The following WDR91 variants were observed in gnomAD, a reference collection of about 807,000 sequenced individuals.
WDR91 encodes the protein WD repeat-containing protein 91.
Under a neutral mutation model 88.4 loss-of-function variants are expected in WDR91, and 52 were observed. The observed-to-expected ratio is 0.59, with a 90% confidence interval of 0.47 to 0.74. The LOEUF is 0.74. Ranked by LOEUF, WDR91 falls within the 30% of genes least tolerant of loss-of-function variation. The probability of loss-of-function intolerance (pLI) is 0.00; values close to 1 mark genes in which losing one functional copy is unlikely to be tolerated. For missense variants in WDR91, 824 were observed against 954.5 expected (o/e 0.86, Z 1.80); for synonymous variants, 362 against 389.5 (o/e 0.93, Z 0.83).
In WDR91 at chr7:135,210,914, A is replaced by G. The variant is rs184728420; in HGVS notation, c.123+466T>C. The G allele has an allele frequency of 9.9e-6, 7 of 703,720 alleles. No individual in the cohort carries two copies. In the East Asian group the frequency reaches 1.9e-4, roughly 19 times the overall value. The allele number at this position is 703,720 out of a possible 1,614,324, so 43.6% of individuals were successfully genotyped here. A position where few individuals can be genotyped will look rare whatever the true frequency, so the allele number is the denominator to read the frequency against. ...TGAGGTCTTCCACAACTGCAGAAGCAAAATTGCCGATGAGTCCCTGACGAG... is the reference window on the plus strand; with the variant it reads ...TGAGGTCTTCCACAACTGCAGAAGCGAAATTGCCGATGAGTCCCTGACGAG... On this transcript the variant is annotated intron_variant, in intron 1 of 14. Coordinates refer to ENST00000354475, the MANE Select transcript of WDR91 (RefSeq NM_014149.4).
Position 135,186,147 on chromosome 7 carries a change from G to C in WDR91, c.*4C>G, listed in dbSNP as rs746809317. On this transcript the variant is annotated 3_prime_UTR_variant, in exon 15 of 15. Transcript: ENST00000354475. ...CTTCCTCGGGTGGCCCTTGGGGCAA[G>C]TCATCAGGCTTTATGGGCCAGGAGG... 3 of 1,585,862 alleles carry C rather than the reference G, an allele frequency of 1.9e-6. No homozygotes were observed. In the South Asian group the frequency reaches 3.4e-5, roughly 18 times the overall value.
chr7:135,187,100 C>T lies in WDR91; in HGVS notation c.1951G>A (p.Gly651Ser), dbSNP rs138966518. Residue 651 changes from glycine (G) to serine (S), a missense_variant, in exon 14 of 15, where the codon GGC (glycine) becomes AGC (serine). Physicochemically the swap from Gly to Ser is moderately conservative, Grantham distance 56. Transcript: ENST00000354475. Reference sequence around the variant, plus strand: ...CTGTATCCAGACAGCACAAAGGGGCCCGTGGCATCTGAGGGGAGGCTGTAC... The same window carrying T: ...CTGTATCCAGACAGCACAAAGGGGCTCGTGGCATCTGAGGGGAGGCTGTAC... ...SEYSLPSDAT[G>S]PFVLSGYSGY... The T allele has an allele frequency of 1.9e-6, 3 of 1,614,140 alleles. No individual in the cohort carries two copies. Among genetic ancestry groups the T allele is most frequent in the East Asian group, 4.5e-5 (2 of 44,894 alleles).
intron 6 of WDR91, chr7:135,201,358 A>T (rs1240061090): frequency 1.1e-5 from 1 of 88,748 alleles, no homozygotes; most frequent in Non-Finnish European, 2.9e-5. Context: ...TTCCACTAAA[A>T]AAAAAAAAAA....
At position 135,204,368 on chromosome 7, in the gene WDR91, G is replaced by A. The variant is rs1462640706; in HGVS notation, c.791C>T (p.Ser264Leu). Residue 264 changes from serine to leucine, a missense_variant, in exon 6 of 15, where the codon TCG becomes TTG. By Grantham distance (145) the Ser-to-Leu change is moderately radical (BLOSUM62 -2). Transcript: ENST00000354475. ...GCTCTTCTTACTCTGAGGCAGCAGCGAGGACAGGAAGCCCACACGAGGTGA... is the reference window on the plus strand; with the variant it reads ...GCTCTTCTTACTCTGAGGCAGCAGCAAGGACAGGAAGCCCACACGAGGTGA... ...SQSPRVGFLS[S>L]LLPQSKKSPS... The A allele has an allele frequency of 3.7e-6, 6 of 1,614,090 alleles. No homozygotes were observed. Among genetic ancestry groups the A allele is most frequent in the East Asian group, 2.2e-5 (1 of 44,904 alleles).
rs767164380 is a variant in WDR91 at position 135,188,501 on chromosome 7, C to T, written c.1813G>A (p.Gly605Arg). The T allele has an allele frequency of 5.0e-6, 8 of 1,614,048 alleles. No individual in the cohort carries two copies. The highest frequency in any genetic ancestry group is 1.1e-5 in the South Asian group (1 of 91,076). Residue 605 changes from glycine (G) to arginine (R), a missense_variant, in exon 13 of 15, where the codon GGG becomes AGG. Transcript: ENST00000354475. ...CTGAACTCCACAGAGTAGACCTCCC[C>T]GTAGTGGGCCCTCCAGCTCATCGCG... ...ECAMSWRAHY[G>R]EVYSVEFSYD...
intron 11 of WDR91, among the ~76,000 whole-genome samples, chr7:135,191,807 T>C: frequency 6.6e-6 from 1 of 152,180 alleles, no homozygotes; most frequent in African/African-American, 2.4e-5. Flanking sequence ...ATGATTTCAA[T>C]ATGCTTTTGT....
intron 11 of WDR91, among the ~76,000 whole-genome samples, chr7:135,190,705 G>A (rs1225520215): frequency 6.6e-6 from 1 of 152,156 alleles, no homozygotes; most frequent in Non-Finnish European, 1.5e-5. Context: ...TTCTAAAAAT[G>A]AGAAACACAA....
chr7:135,201,614 T>C (rs1359371793), intron 6 of WDR91: 1 of 152,236 alleles, frequency 6.6e-6, no homozygotes, highest in Non-Finnish European at 1.5e-5. Flanking sequence ...CATTTTTACA[T>C]ATTGCTAATT....
chr7:135,191,329 C>T (rs978221005), intron 11 of WDR91, among the ~76,000 whole-genome samples: 57 of 152,202 alleles, frequency 3.7e-4, no homozygotes, highest in African/African-American at 1.3e-3. Context: ...TAAGGCAGGC[C>T]GGGTGCAGTG....
chr7:135,209,854 A>T lies in WDR91; in HGVS notation c.124-99T>A, dbSNP rs562927802. Reference sequence around the variant, plus strand: ...TCCTCTTGTCATGGCTTCTGGGTGTAAAAAAAAATTTGTAAGTTAGCAATC... The same window carrying T: ...TCCTCTTGTCATGGCTTCTGGGTGTTAAAAAAAATTTGTAAGTTAGCAATC... On this transcript the variant is annotated intron_variant, in intron 1 of 14. Coordinates refer to ENST00000354475, the MANE Select transcript of WDR91 (RefSeq NM_014149.4). 3.0e-5 allele frequency: 30 copies of T among 996,420 alleles called. No individual in the cohort carries two copies. The African/African-American group carries it at 5.0e-4, about 17-fold the overall frequency. 61.7% of individuals were successfully genotyped at this position (996,420 alleles called of 1,614,324 possible). A position where few individuals can be genotyped will look rare whatever the true frequency, so the allele number is the denominator to read the frequency against.
chr7:135,207,095 A>G, intron 4 of WDR91, 25 bp downstream of exon 4: 2 of 1,587,968 alleles, frequency 1.3e-6, no homozygotes, highest in South Asian at 1.1e-5. Flanking sequence ...GTACTTCCTC[A>G]GGAGCAAGCC....
intron 13 of WDR91, 30 bp from the exon 14 acceptor site, chr7:135,187,199 C>T (rs749332429): frequency 1.9e-5 from 30 of 1,611,712 alleles, no homozygotes; most frequent in South Asian, 5.5e-5. Context: ...GCAGGGTGCT[C>T]GCAGCGGAGC....
In WDR91 at chr7:135,210,045, T is replaced by C. The variant is rs142872295; in HGVS notation, c.124-290A>G. Among the ~76,000 whole-genome samples the C allele has an allele frequency of 2.2e-4, 33 of 152,244 alleles. 1 individual carries two copies. The highest frequency in any genetic ancestry group is 7.0e-4 in the African/African-American group (29 of 41,544). On this transcript the variant is annotated intron_variant, in intron 1 of 14. Transcript: ENST00000354475. ...ATCTTGGATCTGCCTCTGACTTACT[T>C]GATCAATTTGGCAGTGTCATCAGGC...
Position 135,186,174 on chromosome 7 carries a change from T to G in WDR91, c.2221A>C (p.Thr741Pro). Residue 741 changes from threonine to proline, a missense_variant, in exon 15 of 15, where the codon ACC (threonine) becomes CCC (proline). Thr to Pro is a conservative substitution (Grantham distance 38). Transcript: ENST00000354475. ...CATCAGGCTTTATGGGCCAGGAGGG[T>G]GGTCAGCTTGATCTTGCCATCCATG... ...ASMDGKIKLTTLLAHKA is the reference protein window; with the variant it reads ...ASMDGKIKLTPLLAHKA 6.2e-7 allele frequency: 1 copy of G among 1,603,264 alleles called. No individual in the cohort carries two copies. Among genetic ancestry groups the G allele is most frequent in the Non-Finnish European group, 8.5e-7 (1 of 1,175,594 alleles).
At chr7:135,190,262 A>G (rs1831114057) in intron 11 of WDR91, among the ~76,000 whole-genome samples, 1 of 152,238 alleles carries the variant, frequency 6.6e-6, no homozygotes, top group African/African-American at 2.4e-5. Context: ...CTGAGACTCC[A>G]AAGAGCTATA....
intron 6 of WDR91, 124 bp from the exon 7 acceptor site, chr7:135,198,275 G>A: frequency 8.5e-6 from 10 of 1,173,598 alleles, no homozygotes; most frequent in Middle Eastern, 3.0e-4. Flanking sequence ...TTAAAATGGT[G>A]TTGGCTCAGC....
At chr7:135,194,106 C>A (rs1042780427) in intron 9 of WDR91, among the ~76,000 whole-genome samples, 2 of 152,102 alleles carry the variant, frequency 1.3e-5, no homozygotes, top group Non-Finnish European at 2.9e-5. Flanking sequence ...CAGGGGACAG[C>A]TCTGGCTCTG....
intron 1 of WDR91, chr7:135,210,981 C>G (rs1488806175): frequency 1.4e-6 from 1 of 696,124 alleles, no homozygotes; most frequent in Non-Finnish European, 2.6e-6. Flanking sequence ...ACGCAGCTAA[C>G]GTTTTGGACT....
rs375237528 is a variant in WDR91 at position 135,186,299 on chromosome 7, T to A, written c.2096A>T (p.Lys699Met). Reference sequence around the variant, plus strand: ...TAGGCTCAAGCAGCTCTCCAGAACCTTCTCATCGCCACCCAGCTGCAAGAG... The same window carrying A: ...TAGGCTCAAGCAGCTCTCCAGAACCATCTCATCGCCACCCAGCTGCAAGAG... ...GVIYKLGGDE[K>M]VLESCLSLGG... Residue 699 changes from lysine to methionine, a missense_variant, in exon 15 of 15, where the codon AAG becomes ATG. Coordinates refer to ENST00000354475, the MANE Select transcript of WDR91 (RefSeq NM_014149.4). The A allele has an allele frequency of 3.7e-6, 6 of 1,611,840 alleles. No homozygotes were observed. In the African/African-American group the frequency reaches 8.0e-5, roughly 22 times the overall value.
Sources: gnomAD v4.1 joint callset for allele counts (sites outside exome capture counted in the v4.1 genomes callset) on GRCh38, gnomAD v4.1.1 for gene constraint, MANE v1.5 for transcripts, NCBI Gene and HGNC (gene_info 2026-07-23, HGNC 2026-07-21) for gene names.